The following ZDHHC15 variants were observed in gnomAD, a reference collection of about 807,000 sequenced individuals.
The protein encoded by ZDHHC15 is zDHHC palmitoyltransferase 15.
ZDHHC15 carries 19 observed loss-of-function variants against 31.7 expected under a neutral mutation model. The observed-to-expected ratio is 0.60, with a 90% CI of 0.42 to 0.88. The LOEUF (loss-of-function observed/expected upper bound fraction) is 0.88, where lower values mean the gene tolerates loss of function less well. Among genes scored for constraint, ZDHHC15 ranks in the 40% least tolerant of loss-of-function variants. The probability of loss-of-function intolerance (pLI) is 0.00; values close to 1 mark genes in which losing one functional copy is unlikely to be tolerated. For missense variants in ZDHHC15, 209 were observed against 251.2 expected, an observed-to-expected ratio of 0.83 and a Z score of 1.14; for synonymous variants, 103 against 90.0, an observed-to-expected ratio of 1.14 and a Z score of -0.82.
At chrX:75,480,690 ACTT>A (rs1177959683) in intron 2 of ZDHHC15, among the ~76,000 whole-genome samples, 3 of 110,635 alleles carry the variant, frequency 2.7e-5, no homozygotes, top group Non-Finnish European at 5.7e-5. Context: ...TTTGTACCTT[ACTT>A]CTTTTTCACT....
chrX:75,498,445 T>C lies in ZDHHC15; in HGVS notation c.163+7376A>G, dbSNP rs183752219. Among the ~76,000 whole-genome samples the C allele has an allele frequency of 2.2e-4, 25 of 111,962 alleles. 1 individual carries two copies. In the East Asian group the frequency reaches 7.0e-3, roughly 32 times the overall value. The stretch of plus-strand genomic sequence containing the variant: ...TCTGGTCAATGAATGCAGTAGTGTC[T>C]GGATATAAAATCAGTGTACATAAAT... On this transcript the variant is annotated intron_variant, in intron 2 of 11. Transcript: ENST00000373367.
At chrX:75,506,571 A>C (rs770524350) in intron 1 of ZDHHC15, among the ~76,000 whole-genome samples, 8 of 111,773 alleles carry the variant, frequency 7.2e-5, no homozygotes, top group Non-Finnish European at 1.1e-4. Context: ...AGTCTGCTTG[A>C]AGATTGATAC....
At chrX:75,449,194 CT>C (rs2084074765) in intron 4 of ZDHHC15, among the ~76,000 whole-genome samples, 2 of 79,532 alleles carry the variant, frequency 2.5e-5, no homozygotes, top group Non-Finnish European at 4.8e-5. Flanking sequence ...ATCTCTCTCT[CT>C]CTCTATACAC....
At chrX:75,462,362 T>A (rs2084330725) in intron 3 of ZDHHC15, among the ~76,000 whole-genome samples, 1 of 112,062 alleles carries the variant, frequency 8.9e-6, no homozygotes, top group South Asian at 3.6e-4. Context: ...ATTAGTCAGA[T>A]CATCAACACA....
intron 3 of ZDHHC15, among the ~76,000 whole-genome samples, chrX:75,451,779 C>T (rs969394840): frequency 1.8e-5 from 2 of 111,359 alleles, no homozygotes; most frequent in Admixed American, 1.9e-4. Context: ...AAATAAAAAT[C>T]TCCTTTAGAA....
chrX:75,407,581 G>A (rs1234361594), intron 10 of ZDHHC15, among the ~76,000 whole-genome samples: 6 of 108,842 alleles, frequency 5.5e-5, no homozygotes, highest in Non-Finnish European at 7.7e-5. Flanking sequence ...CAGCTGCCCC[G>A]TTTGGGAGGT....
At chrX:75,405,887 C>T (rs1325966726) in intron 10 of ZDHHC15, among the ~76,000 whole-genome samples, 3 of 112,352 alleles carry the variant, frequency 2.7e-5, no homozygotes, top group Admixed American at 9.4e-5. Context: ...GCACATAGAG[C>T]ATTCTCTAGA....
chrX:75,398,093 C>G (rs888611603), intron 10 of ZDHHC15, among the ~76,000 whole-genome samples: 1 of 112,199 alleles, frequency 8.9e-6, no homozygotes, highest in African/African-American at 3.2e-5. Context: ...TGAGCAGTAA[C>G]AGCCCACAGG....
intron 10 of ZDHHC15, among the ~76,000 whole-genome samples, chrX:75,403,755 C>T (rs1244172534): frequency 8.9e-6 from 1 of 112,303 alleles, no homozygotes. Context: ...AAAAATATCC[C>T]ATGCTGATGG....
chrX:75,487,947 G>C (rs971128651), intron 2 of ZDHHC15, among the ~76,000 whole-genome samples: 2 of 111,997 alleles, frequency 1.8e-5, no homozygotes, highest in Admixed American at 1.9e-4. Context: ...CGAAGAGAAG[G>C]CTTTCAAATT....
chrX:75,424,532 G>C (rs1022626335), intron 8 of ZDHHC15, 120 bp downstream of exon 8: 26 of 728,791 alleles, frequency 3.6e-5, no homozygotes, highest in Non-Finnish European at 4.9e-5. Context: ...TCTCAGTCTG[G>C]GGGTAGAGGG....
intron 10 of ZDHHC15, among the ~76,000 whole-genome samples, chrX:75,386,985 C>G (rs1019220659): frequency 9.0e-6 from 1 of 110,918 alleles, no homozygotes; most frequent in East Asian, 2.8e-4. Flanking sequence ...GGAACTACAC[C>G]TAATGGATAG....
intron 10 of ZDHHC15, among the ~76,000 whole-genome samples, chrX:75,392,928 G>A (rs1478381850): frequency 9.3e-6 from 1 of 107,349 alleles, no homozygotes; most frequent in Non-Finnish European, 1.9e-5. Context: ...ACTTCAGCAG[G>A]TCATGGTTTT....
intron 1 of ZDHHC15, 41 bp from the exon 2 acceptor site, chrX:75,505,888 G>A: frequency 9.3e-7 from 1 of 1,072,737 alleles, no homozygotes. Context: ...CAGACAGACA[G>A]AGATGGATGA....
chrX:75,479,873 T>C (rs1165908443), intron 2 of ZDHHC15, among the ~76,000 whole-genome samples: 1 of 112,087 alleles, frequency 8.9e-6, no homozygotes, highest in East Asian at 2.8e-4. Context: ...TAGTATTCCA[T>C]TGAAGATTAT....
intron 1 of ZDHHC15, among the ~76,000 whole-genome samples, chrX:75,511,677 G>T (rs941324536): frequency 1.9e-5 from 2 of 106,077 alleles, no homozygotes; most frequent in Non-Finnish European, 3.9e-5. Flanking sequence ...TCCAGGACCA[G>T]ATGGATTCAC....
intron 2 of ZDHHC15, among the ~76,000 whole-genome samples, chrX:75,494,799 C>G (rs1289032084): frequency 8.9e-6 from 1 of 112,314 alleles, no homozygotes; most frequent in African/African-American, 3.2e-5. Context: ...GGATTAAAGA[C>G]TTAAATGTCA....
At chrX:75,417,001 C>T (rs2083556143) in intron 10 of ZDHHC15, 86 bp downstream of exon 10, 1 of 755,769 alleles carries the variant, frequency 1.3e-6, no homozygotes, top group Non-Finnish European at 2.0e-6. Context: ...GGTTGACATG[C>T]TTATAAAATC....
chrX:75,427,384 C>T (rs1046483467), intron 7 of ZDHHC15, among the ~76,000 whole-genome samples: 1 of 111,773 alleles, frequency 8.9e-6, no homozygotes, highest in Admixed American at 9.6e-5. Context: ...TAATTCATAT[C>T]CAAATATTAT....
Sources: allele counts gnomAD v4.1 joint callset (sites outside exome capture counted in the v4.1 genomes callset), GRCh38; gene constraint gnomAD v4.1.1; transcripts MANE v1.5; gene names NCBI Gene and HGNC (gene_info 2026-07-23, HGNC 2026-07-21).